UMAD1: variants seen among roughly 807,000 people sequenced by gnomAD.
UMAD1 encodes UBAP1-MVB12-associated (UMA) domain containing 1, also known as UBAP1-MVB12-associated (UMA)-domain containing protein 1.
In UMAD1, 8 loss-of-function variants were observed where a neutral mutation model predicts 6.1. That is an observed-to-expected ratio of 1.30 (90% CI 0.76 to 2.35). The LOEUF (loss-of-function observed/expected upper bound fraction) is 2.35. UMAD1 is among the 30% of genes most tolerant of loss of function. The probability of loss-of-function intolerance (pLI) is 0.00; values close to 1 mark genes in which losing one functional copy is unlikely to be tolerated. For synonymous variants in UMAD1, 56 were observed against 31.4 expected (o/e 1.78, Z -2.61); for missense variants, 130 against 78.4 (o/e 1.66, Z -2.49).
At chr7:7,728,897 A>T (rs868532762) in intron 2 of UMAD1, among the ~76,000 whole-genome samples, 28 of 152,194 alleles carry the variant, frequency 1.8e-4, no homozygotes, top group Middle Eastern at 3.2e-3. Context: ...ATGTATGGTG[A>T]ATATGATGGA....
In UMAD1 at chr7:7,696,124, G is replaced by C. The variant is rs185311193; in HGVS notation, c.82+22671G>C. Among the ~76,000 whole-genome samples the C allele has an allele frequency of 3.3e-3, 494 of 151,536 alleles. 2 individuals are homozygous for C. The highest frequency in any genetic ancestry group is 5.9e-3 in the Non-Finnish European group (400 of 67,884). On this transcript the variant is annotated intron_variant, in intron 2 of 3. Coordinates refer to ENST00000682710, the MANE Select transcript of UMAD1 (RefSeq NM_001302348.2). ...GGGTTCAAGCGATCCTCCCATTGCA[G>C]CCTCCTGAGTAGCTGGGACTACAGG... is the stretch of plus-strand genomic sequence containing the variant.
At chr7:7,683,959 T>G (rs929602526) in intron 2 of UMAD1, among the ~76,000 whole-genome samples, 1 of 152,208 alleles carries the variant, frequency 6.6e-6, no homozygotes, top group African/African-American at 2.4e-5. Context: ...CAGTTTTCCC[T>G]TGGTATCTGT....
At chr7:7,737,552 G>T (rs570734620) in intron 2 of UMAD1, among the ~76,000 whole-genome samples, 23 of 147,830 alleles carry the variant, frequency 1.6e-4, no homozygotes, top group African/African-American at 5.6e-4. Context: ...CATGAATGAA[G>T]AACTTAACCA....
chr7:7,745,782 C>T (rs1473065456), intron 2 of UMAD1, among the ~76,000 whole-genome samples: 5 of 152,150 alleles, frequency 3.3e-5, no homozygotes, highest in Non-Finnish European at 7.4e-5. Flanking sequence ...TGGCCTGTTT[C>T]CCCACATTTT....
At chr7:7,685,542 C>T (rs1054265101) in intron 2 of UMAD1, among the ~76,000 whole-genome samples, 1 of 152,022 alleles carries the variant, frequency 6.6e-6, no homozygotes, top group Admixed American at 6.6e-5. Context: ...ATCCTGACCT[C>T]GTGATCCGCC....
chr7:7,656,673 T>C (rs569536146), intron 1 of UMAD1, among the ~76,000 whole-genome samples: 3 of 152,338 alleles, frequency 2.0e-5, no homozygotes, highest in Admixed American at 2.0e-4. Context: ...TGTATACTAT[T>C]CCATGGTGTA....
intron 1 of UMAD1, among the ~76,000 whole-genome samples, chr7:7,671,206 C>T (rs1024822750): frequency 3.9e-5 from 6 of 152,192 alleles, no homozygotes; most frequent in African/African-American, 7.2e-5. Context: ...TAGTCAGCTT[C>T]GTGTGTCAAT....
chr7:7,761,626 G>T (rs1781892425), intron 2 of UMAD1, among the ~76,000 whole-genome samples: 1 of 152,208 alleles, frequency 6.6e-6, no homozygotes, highest in Non-Finnish European at 1.5e-5. Context: ...TGGTAGGGAG[G>T]TTAGTAGTGA....
chr7:7,724,123 C>T (rs1404813098), intron 2 of UMAD1, among the ~76,000 whole-genome samples: 1 of 152,146 alleles, frequency 6.6e-6, no homozygotes, highest in Non-Finnish European at 1.5e-5. Flanking sequence ...CTCCCATCCT[C>T]CCCCAAGGAG....
chr7:7,673,788 C>G (rs1182529263), intron 2 of UMAD1, among the ~76,000 whole-genome samples: 2 of 151,528 alleles, frequency 1.3e-5, no homozygotes, highest in Non-Finnish European at 2.9e-5. Context: ...ATAAATAGTA[C>G]TAACCTTGTT....
intron 2 of UMAD1, among the ~76,000 whole-genome samples, chr7:7,782,972 A>G (rs1782379007): frequency 6.6e-6 from 1 of 152,190 alleles, no homozygotes; most frequent in African/African-American, 2.4e-5. Flanking sequence ...ACTTCAGGTA[A>G]TCTGCCTCCC....
At chr7:7,663,484 C>T (rs1785528115) in intron 1 of UMAD1, among the ~76,000 whole-genome samples, 1 of 152,064 alleles carries the variant, frequency 6.6e-6, no homozygotes. Context: ...TCAAAAACTA[C>T]AAAATAAAAA....
chr7:7,864,005 C>G (rs1175477052), intron 3 of UMAD1, among the ~76,000 whole-genome samples: 1 of 152,208 alleles, frequency 6.6e-6, no homozygotes, highest in Non-Finnish European at 1.5e-5. Context: ...GTCTCTGGTT[C>G]CTGACACTGA....
At chr7:7,860,683 GA>G (rs1401912904) in intron 3 of UMAD1, among the ~76,000 whole-genome samples, 1 of 150,802 alleles carries the variant, frequency 6.6e-6, no homozygotes, top group Middle Eastern at 3.5e-3. Context: ...GCTGAGGCAG[GA>G]GAATGGCGCG....
intron 2 of UMAD1, among the ~76,000 whole-genome samples, chr7:7,770,909 G>A (rs529407459): frequency 6.6e-6 from 1 of 151,994 alleles, no homozygotes; most frequent in African/African-American, 2.4e-5. Context: ...AAAAATATTC[G>A]TTATTTAGAA....
At chr7:7,661,562 C>T (rs1022482359) in intron 1 of UMAD1, among the ~76,000 whole-genome samples, 4 of 152,108 alleles carry the variant, frequency 2.6e-5, no homozygotes, top group African/African-American at 4.8e-5. Context: ...CTGACAGGCC[C>T]GTGTGCTGCA....
intron 1 of UMAD1, among the ~76,000 whole-genome samples, chr7:7,665,077 T>A (rs748844407): frequency 6.6e-6 from 1 of 152,194 alleles, no homozygotes; most frequent in Non-Finnish European, 1.5e-5. Flanking sequence ...AGTAGCTGCA[T>A]CAATCACACA....
rs530904064 is a variant in UMAD1, at chr7:7,830,576, C to T, written c.156+28833C>T. Among the ~76,000 whole-genome samples, 7 of 152,090 alleles carry T rather than the reference C, an allele frequency of 4.6e-5. No individual in the cohort carries two copies. Among genetic ancestry groups the T allele is most frequent in the South Asian group, 4.2e-4 (2 of 4,812 alleles). On this transcript the variant is annotated intron_variant, in intron 3 of 3. Coordinates refer to ENST00000682710, the MANE Select transcript of UMAD1 (RefSeq NM_001302348.2). This position sits in a 1 kb window ranked among gnomAD's most constrained non-coding sequence, Gnocchi z 5.3. Reference sequence around the variant, plus strand: ...CTCTGGGTGCCCAAAAACTGTGAGCCAACTTCAAAGTGTGGAAACCACAGT... The same window carrying T: ...CTCTGGGTGCCCAAAAACTGTGAGCTAACTTCAAAGTGTGGAAACCACAGT...
intron 3 of UMAD1, among the ~76,000 whole-genome samples, chr7:7,837,702 T>A (rs1022386164): frequency 1.5e-5 from 2 of 129,454 alleles, no homozygotes; most frequent in African/African-American, 2.9e-5. Flanking sequence ...CATAACAAGA[T>A]GATAGAACAA....
Sources: gnomAD v4.1 joint callset for allele counts (sites outside exome capture counted in the v4.1 genomes callset) on GRCh38, gnomAD v4.1.1 for gene constraint, Gnocchi (gnomAD v3.1) non-coding constraint, MANE v1.5 for transcripts, NCBI Gene and HGNC (gene_info 2026-07-23, HGNC 2026-07-21) for gene names.